NKAIN2: variants seen among roughly 807,000 people sequenced by gnomAD.
NKAIN2 encodes the protein sodium/potassium transporting ATPase interacting 2, also known as sodium/potassium-transporting ATPase subunit beta-1-interacting protein 2.
In NKAIN2, 14 loss-of-function variants were observed where a neutral mutation model predicts 32.6. The ratio of observed to expected loss-of-function variants is 0.43; its 90% CI spans 0.28 to 0.67. The LOEUF is 0.67. NKAIN2 is among the 30% of genes least tolerant of loss of function. The pLI is 0.17. For synonymous variants in NKAIN2, 80 were observed against 87.2 expected, an observed-to-expected ratio of 0.92 and a Z score of 0.46; for missense variants, 198 against 258.3, an observed-to-expected ratio of 0.77 and a Z score of 1.60.
chr6:124,410,596 G>T (rs977654141), intron 3 of NKAIN2, among the ~76,000 whole-genome samples: 20 of 152,192 alleles, frequency 1.3e-4, no homozygotes, highest in African/African-American at 3.4e-4. Flanking sequence ...TACATTTGCT[G>T]AGGAGAGCTT....
chr6:124,415,089 C>T (rs1774400038), intron 3 of NKAIN2, among the ~76,000 whole-genome samples: 1 of 152,144 alleles, frequency 6.6e-6, no homozygotes, highest in African/African-American at 2.4e-5. Context: ...GTAATGCATT[C>T]TGCAGCAGAC....
chr6:124,656,863 A>G (rs1418618867), intron 3 of NKAIN2, among the ~76,000 whole-genome samples: 1 of 152,076 alleles, frequency 6.6e-6, no homozygotes, highest in Non-Finnish European at 1.5e-5. Context: ...TTGTTTGACC[A>G]CTTCTCAGGT....
intron 1 of NKAIN2, among the ~76,000 whole-genome samples, chr6:123,970,738 C>G (rs531884770): frequency 6.6e-6 from 1 of 151,894 alleles, no homozygotes; most frequent in African/African-American, 2.4e-5. Context: ...AAAAATTAGC[C>G]AGGCATGGTG....
At chr6:124,477,709 CCTTACTCT>C (rs1777280062) in intron 3 of NKAIN2, among the ~76,000 whole-genome samples, 1 of 6,278 alleles carries the variant, frequency 1.6e-4, no homozygotes, top group African/African-American at 8.2e-4. Context: ...TCTCCCTCCC[CCTTACTCT>C]TCCCCCTTCC....
At chr6:124,810,626 T>C (rs1562397865) in intron 5 of NKAIN2, among the ~76,000 whole-genome samples, 1 of 151,856 alleles carries the variant, frequency 6.6e-6, no homozygotes, top group Non-Finnish European at 1.5e-5. Context: ...AAACTTAAAG[T>C]ATAATAATAA....
rs1054349145 is a variant in NKAIN2, at chr6:124,286,945, G to A, written c.192+3803G>A. 2.0e-5 allele frequency among the ~76,000 whole-genome samples: 3 copies of A among 152,224 alleles called. No individual in the cohort carries two copies. The South Asian group carries it at 6.2e-4, about 32-fold the overall frequency. ...GATCCGCCCACCTTGGCCTCCCAAAGTGCTGAGATTACAGGTGTAAGCCAT... is the reference window on the plus strand; with the variant it reads ...GATCCGCCCACCTTGGCCTCCCAAAATGCTGAGATTACAGGTGTAAGCCAT... On this transcript the variant is annotated intron_variant, in intron 2 of 6. Coordinates refer to ENST00000368417, the MANE Select transcript of NKAIN2 (RefSeq NM_001040214.3).
intron 1 of NKAIN2, among the ~76,000 whole-genome samples, chr6:124,114,562 G>T (rs1009899093): frequency 1.3e-5 from 2 of 152,054 alleles, no homozygotes; most frequent in African/African-American, 4.8e-5. Context: ...AAAGCCATGA[G>T]ATTTGGTGAG....
intron 2 of NKAIN2, among the ~76,000 whole-genome samples, chr6:124,332,824 A>G (rs1797718674): frequency 1.3e-5 from 2 of 152,192 alleles, no homozygotes; most frequent in Admixed American, 1.3e-4. Context: ...GTTATATGAG[A>G]AAAGTATACT....
chr6:124,412,918 T>G (rs1774275941), intron 3 of NKAIN2, among the ~76,000 whole-genome samples: 1 of 152,162 alleles, frequency 6.6e-6, no homozygotes, highest in South Asian at 2.1e-4. Context: ...CAGCTTGATC[T>G]GAGACTGTTG....
At chr6:124,515,703 T>C in intron 3 of NKAIN2, among the ~76,000 whole-genome samples, 1 of 3,352 alleles carries the variant, frequency 3.0e-4, no homozygotes. Flanking sequence ...TTCATTTTTC[T>C]TCGCTTTCTC....
chr6:124,321,552 T>C (rs1362344306), intron 2 of NKAIN2, among the ~76,000 whole-genome samples: 1 of 152,210 alleles, frequency 6.6e-6, no homozygotes, highest in Non-Finnish European at 1.5e-5. Flanking sequence ...ACCTCTTTTA[T>C]ATTCCTAGTA....
chr6:123,895,349 CT>C (rs796171601), intron 1 of NKAIN2, among the ~76,000 whole-genome samples: 3 of 152,204 alleles, frequency 2.0e-5, no homozygotes, highest in African/African-American at 7.2e-5. Flanking sequence ...CTTTCCATGT[CT>C]TTTTGGGTCC....
At chr6:124,509,126 G>A (rs642334) in intron 3 of NKAIN2, among the ~76,000 whole-genome samples, 147,722 of 152,286 alleles carry the variant, frequency 0.97, 71,771 homozygotes, top group East Asian at 1. Context: ...CACTGTAGAA[G>A]TAGTGTGGGA....
chr6:124,250,657 C>G (rs1321520694), intron 1 of NKAIN2, among the ~76,000 whole-genome samples: 1 of 151,862 alleles, frequency 6.6e-6, no homozygotes, highest in Admixed American at 6.6e-5. Context: ...AGAGAATTAT[C>G]AATAACATAT....
At chr6:124,381,609 A>G (rs922563703) in intron 3 of NKAIN2, among the ~76,000 whole-genome samples, 1 of 152,166 alleles carries the variant, frequency 6.6e-6, no homozygotes, top group Admixed American at 6.6e-5. Context: ...TATACGTTTC[A>G]TCGAACTTCT....
At chr6:124,212,879 A>G (rs1379180388) in intron 1 of NKAIN2, among the ~76,000 whole-genome samples, 2 of 152,132 alleles carry the variant, frequency 1.3e-5, no homozygotes, top group African/African-American at 4.8e-5. Context: ...CAGGAATAAC[A>G]TTCATGTATG....
chr6:124,151,324 A>T (rs1374753779), intron 1 of NKAIN2, among the ~76,000 whole-genome samples: 2 of 152,084 alleles, frequency 1.3e-5, no homozygotes, highest in African/African-American at 4.8e-5. Context: ...TATACAACAG[A>T]TCAATTTAAA....
intron 1 of NKAIN2, among the ~76,000 whole-genome samples, chr6:124,214,189 A>C (rs1791339957): frequency 6.6e-6 from 1 of 152,204 alleles, no homozygotes; most frequent in Non-Finnish European, 1.5e-5. Flanking sequence ...ATAGTATGTT[A>C]CTGAATGTGG....
intron 3 of NKAIN2, among the ~76,000 whole-genome samples, chr6:124,542,719 C>T (rs1052466416): frequency 6.6e-6 from 1 of 152,124 alleles, no homozygotes; most frequent in African/African-American, 2.4e-5. Flanking sequence ...TCTTTACAGA[C>T]CCAAGATTCC....
Sources: allele counts gnomAD v4.1 joint callset (sites outside exome capture counted in the v4.1 genomes callset), GRCh38; gene constraint gnomAD v4.1.1; transcripts MANE v1.5; gene names NCBI Gene and HGNC (gene_info 2026-07-23, HGNC 2026-07-21).